The following KLHL30 variants were observed in gnomAD, a reference collection of about 807,000 sequenced individuals.
KLHL30 encodes the protein kelch like family member 30.
KLHL30 carries 55 observed loss-of-function variants against 55.0 expected under a neutral mutation model. That is an observed-to-expected ratio of 1.00 (90% CI 0.80 to 1.25). The LOEUF (loss-of-function observed/expected upper bound fraction) is 1.25, where lower values mean the gene tolerates loss of function less well. Among genes scored for constraint, KLHL30 ranks in the 50% most tolerant of loss-of-function variants. The probability of loss-of-function intolerance (pLI) is 0.00; values close to 1 mark genes in which losing one functional copy is unlikely to be tolerated. For missense variants in KLHL30, 786 were observed against 811.6 expected (o/e 0.97, Z 0.38); for synonymous variants, 356 against 372.6 (o/e 0.96, Z 0.51).
intron 3 of KLHL30, among the ~76,000 whole-genome samples, chr2:238,144,384 AAGGAAGGAAGGAAGGAAGGAAG>A (rs1692595397): frequency 1.6e-5 from 1 of 61,712 alleles, no homozygotes; most frequent in South Asian, 5.6e-4. Flanking sequence ...GGAAGGAAGG[AAGGAAGGAAGGAAGGAAGGAAG>A]GAAGGAAGGA....
At chr2:238,149,860 G>C (rs1417155363) in intron 7 of KLHL30, among the ~76,000 whole-genome samples, 2 of 152,174 alleles carry the variant, frequency 1.3e-5, no homozygotes, top group Non-Finnish European at 2.9e-5. Flanking sequence ...AGGGGACAGT[G>C]CCCAGGAAGT....
At chr2:238,144,432 A>AGGCAGGCAGGC (rs1692607584) in intron 3 of KLHL30, among the ~76,000 whole-genome samples, 44 of 82,438 alleles carry the variant, frequency 5.3e-4, no homozygotes, top group East Asian at 1.1e-3. Context: ...GGAAGGAAGG[A>AGGCAGGCAGGC]AGGCAGGCAG....
At position 238,151,454 on chromosome 2, in the gene KLHL30, T is replaced by C; in HGVS notation, c.*389T>C. 1 of 265,986 alleles carries C rather than the reference T, an allele frequency of 3.8e-6. No individual in the cohort carries two copies. The allele number at this position is 265,986 out of a possible 1,614,324, so 16.5% of individuals were successfully genotyped here. ...TTGGAGCAGTTGCATGAATGTGGGG[T>C]GAACACGGAGCGTCCCAGAAAGCTG... On this transcript the variant is annotated 3_prime_UTR_variant, in exon 8 of 8. Transcript: ENST00000409223.
At chr2:238,144,737 C>CCCCCCGGG (rs1692617206) in intron 3 of KLHL30, among the ~76,000 whole-genome samples, 165 bp from the exon 4 acceptor site, 1 of 152,236 alleles carries the variant, frequency 6.6e-6, no homozygotes, top group East Asian at 1.9e-4. Context: ...GCACCCAGGA[C>CCCCCCGGG]CCCCCGGGCC....
At chr2:238,142,583 A>G (rs928581332) in intron 2 of KLHL30, among the ~76,000 whole-genome samples, 2 of 152,168 alleles carry the variant, frequency 1.3e-5, no homozygotes, top group Non-Finnish European at 2.9e-5. Flanking sequence ...CGGACCTGCT[A>G]TGGGATCGGT....
At chr2:238,143,071 G>C in intron 3 of KLHL30, 140 bp downstream of exon 3, 1 of 1,124,112 alleles carries the variant, frequency 8.9e-7, no homozygotes. Flanking sequence ...GGCGTGCCTG[G>C]GTGGGCCTCA....
chr2:238,148,571 T>C (rs1692690077), intron 6 of KLHL30, among the ~76,000 whole-genome samples: 1 of 151,784 alleles, frequency 6.6e-6, no homozygotes, highest in African/African-American at 2.4e-5. Flanking sequence ...GAGGCGTGGA[T>C]GTGAGGACCC....
rs546129112 is a variant in KLHL30 at position 238,145,015 on chromosome 2, G to A, written c.994+27G>A. 4.4e-5 allele frequency: 69 copies of A among 1,562,902 alleles called. No individual in the cohort carries two copies. In the South Asian group the frequency reaches 6.4e-4, roughly 15 times the overall value. ...TGGGCAGCTCGGGGACCCTTCCAGAGATGCCCTGCCCAGCCAAGCACTGGG... is the reference window on the plus strand; with the variant it reads ...TGGGCAGCTCGGGGACCCTTCCAGAAATGCCCTGCCCAGCCAAGCACTGGG... On this transcript the variant is annotated intron_variant, in intron 4 of 7. Transcript: ENST00000409223.
At chr2:238,139,762 G>A (rs1055566435) in intron 1 of KLHL30, among the ~76,000 whole-genome samples, 9 of 152,238 alleles carry the variant, frequency 5.9e-5, no homozygotes, top group African/African-American at 1.9e-4. Context: ...CCCCCTAGCG[G>A]GCGAACGGCC....
In KLHL30 at chr2:238,145,093, G is replaced by GC. The variant is rs1202435448; in HGVS notation, c.994+107dup. ...GGTCCCTGAGGGTTAGTCAAGGCTT[G>GC]CCGAGGCCTTTCCATGCATGTGAAA... is the stretch of plus-strand genomic sequence containing the variant. On this transcript the variant is annotated intron_variant, in intron 4 of 7. Coordinates refer to ENST00000409223, the MANE Select transcript of KLHL30 (RefSeq NM_198582.4). The GC allele has an allele frequency of 3.2e-5, 29 of 912,366 alleles. 1 individual carries two copies. In the South Asian group the frequency reaches 4.0e-4, roughly 13 times the overall value. The allele number at this position is 912,366 out of a possible 1,614,324, so 56.5% of individuals were successfully genotyped here.
In KLHL30 at chr2:238,143,863, C is replaced by T. The variant is rs188181787; in HGVS notation, c.907+932C>T. ...GACAGAGCCATGAGTCATGGGGACA[C>T]GGTGCCTGCCCACAGTGCCAGGCTC... On this transcript the variant is annotated intron_variant, in intron 3 of 7. Transcript: ENST00000409223. Among the ~76,000 whole-genome samples, 57 of 152,338 alleles carry T rather than the reference C, an allele frequency of 3.7e-4. No individual in the cohort carries two copies. In the East Asian group the frequency reaches 5.8e-3, roughly 15 times the overall value.
rs1375957273 is a variant in KLHL30 at position 238,147,062 on chromosome 2, C to G, written c.1151-772C>G. The stretch of plus-strand genomic sequence containing the variant: ...CACGTGCCAGCCGAGGTAGGAGTAT[C>G]GCTGAGCCTGAGAGGTTGAGGCTGC... On this transcript the variant is annotated intron_variant, in intron 5 of 7. Coordinates refer to ENST00000409223, the MANE Select transcript of KLHL30 (RefSeq NM_198582.4). The surrounding 1 kb of genome is among the most constrained non-coding windows in gnomAD (Gnocchi z 5.8). 6.7e-6 allele frequency among the ~76,000 whole-genome samples: 1 copy of G among 149,486 alleles called. No homozygotes were observed. The highest frequency in any genetic ancestry group is 2.5e-5 in the African/African-American group (1 of 40,552).
chr2:238,141,012 A>G lies in KLHL30; in HGVS notation c.258A>G (p.Gln86=). 6.2e-7 allele frequency: 1 copy of G among 1,612,430 alleles called. No individual in the cohort carries two copies. Among genetic ancestry groups the G allele is most frequent in the Middle Eastern group, 1.6e-4 (1 of 6,062 alleles). ...LRDVEPAVVG[Q]LVDFVYTGRL... ...ACGTGGAGCCCGCCGTGGTGGGACA[A>G]CTGGTGGACTTCGTGTACACAGGCC... is the stretch of plus-strand genomic sequence containing the variant. The change falls in exon 2 of 8, where the codon CAA becomes CAG. Residue 86 remains glutamine (Q), a synonymous_variant. Coordinates refer to ENST00000409223, the MANE Select transcript of KLHL30 (RefSeq NM_198582.4).
Position 238,141,647 on chromosome 2 carries a change from C to T in KLHL30, c.774+119C>T, listed in dbSNP as rs1402181199. ...TCCAAGGTGCACTCTGACCTTGCCA[C>T]GCTCCTTGTTTTGGGCCAGTTCCCC... is the stretch of plus-strand genomic sequence containing the variant. On this transcript the variant is annotated intron_variant, in intron 2 of 7. Transcript: ENST00000409223. The T allele has an allele frequency of 2.1e-5, 24 of 1,156,546 alleles. 1 individual carries two copies. In the Admixed American group the frequency reaches 2.7e-4, roughly 13 times the overall value. The allele number at this position is 1,156,546 out of a possible 1,614,324, so 71.6% of individuals were successfully genotyped here. A position where few individuals can be genotyped will look rare whatever the true frequency, so the allele number is the denominator to read the frequency against.
chr2:238,150,409 G>A (rs1023248561), intron 7 of KLHL30, among the ~76,000 whole-genome samples: 3 of 152,182 alleles, frequency 2.0e-5, no homozygotes, highest in African/African-American at 7.2e-5. Flanking sequence ...GGGTGCAGGG[G>A]TGAGGCAAGG....
At chr2:238,139,871 A>G (rs1159321701) in intron 1 of KLHL30, among the ~76,000 whole-genome samples, 3 of 152,228 alleles carry the variant, frequency 2.0e-5, no homozygotes, top group Non-Finnish European at 4.4e-5. Context: ...GTGCGATACC[A>G]GAAGGACATA....
chr2:238,139,812 C>G (rs1004063853), intron 1 of KLHL30, among the ~76,000 whole-genome samples: 2 of 152,228 alleles, frequency 1.3e-5, no homozygotes, highest in Admixed American at 1.3e-4. Flanking sequence ...TGACCCGGGT[C>G]GAAGGCTTGT....
In KLHL30 at chr2:238,151,131, C is replaced by A; in HGVS notation, c.*66C>A. ...CCCTCATCAGCCTGTGGAACGGCCCCTTTCATTTTCGCTTATTTGTTCACT... is the reference window on the plus strand; with the variant it reads ...CCCTCATCAGCCTGTGGAACGGCCCATTTCATTTTCGCTTATTTGTTCACT... On this transcript the variant is annotated 3_prime_UTR_variant, in exon 8 of 8. Transcript: ENST00000409223. 6.6e-7 allele frequency: 1 copy of A among 1,510,816 alleles called. No individual in the cohort carries two copies. Among genetic ancestry groups the A allele is most frequent in the Non-Finnish European group, 8.9e-7 (1 of 1,123,906 alleles). The allele number at this position is 1,510,816 out of a possible 1,614,324, so 93.6% of individuals were successfully genotyped here.
At position 238,151,146 on chromosome 2, in the gene KLHL30, A is replaced by G; in HGVS notation, c.*81A>G. ...GGAACGGCCCCTTTCATTTTCGCTT[A>G]TTTGTTCACTCGGAGCTACCATTCC... On this transcript the variant is annotated 3_prime_UTR_variant, in exon 8 of 8. Transcript: ENST00000409223. The G allele has an allele frequency of 1.3e-6, 2 of 1,490,468 alleles. No individual in the cohort carries two copies. The highest frequency in any genetic ancestry group is 1.8e-6 in the Non-Finnish European group (2 of 1,111,050). The allele number at this position is 1,490,468 out of a possible 1,614,324, so 92.3% of individuals were successfully genotyped here. A position where few individuals can be genotyped will look rare whatever the true frequency, so the allele number is the denominator to read the frequency against.
Sources: gnomAD v4.1 joint callset for allele counts (sites outside exome capture counted in the v4.1 genomes callset) on GRCh38, gnomAD v4.1.1 for gene constraint, Gnocchi (gnomAD v3.1) non-coding constraint, MANE v1.5 for transcripts, NCBI Gene and HGNC (gene_info 2026-07-23, HGNC 2026-07-21) for gene names.